LRRTM3: variants seen among roughly 807,000 people sequenced by gnomAD.
LRRTM3 encodes leucine-rich repeat transmembrane neuronal protein 3.
In LRRTM3, 24 loss-of-function variants were observed where a neutral mutation model predicts 44.7. The observed-to-expected ratio is 0.54, with a 90% CI of 0.39 to 0.76. LRRTM3 has a LOEUF of 0.76. LRRTM3 is among the 30% of genes least tolerant of loss of function. LRRTM3 has a pLI of 0.00. For synonymous variants in LRRTM3, 277 were observed against 278.7 expected, an observed-to-expected ratio of 0.99 and a Z score of 0.06; for missense variants, 587 against 702.2, an observed-to-expected ratio of 0.84 and a Z score of 1.85.
chr10:66,993,655 T>C (rs973109242), intron 2 of LRRTM3, among the ~76,000 whole-genome samples: 3 of 151,362 alleles, frequency 2.0e-5, no homozygotes, highest in Admixed American at 6.6e-5. Context: ...AAATGTTTAT[T>C]GAGTACCTAC....
At chr10:66,938,024 C>A (rs1392485734) in intron 2 of LRRTM3, among the ~76,000 whole-genome samples, 1 of 151,962 alleles carries the variant, frequency 6.6e-6, no homozygotes, top group East Asian at 1.9e-4. Flanking sequence ...CTGATACAGT[C>A]TTTTATGCAT....
chr10:67,000,773 C>CTATG (rs546720581), intron 2 of LRRTM3, among the ~76,000 whole-genome samples: 8 of 152,146 alleles, frequency 5.3e-5, no homozygotes, highest in African/African-American at 1.9e-4. Flanking sequence ...CAATAAAATT[C>CTATG]TATGGGGAGC....
chr10:67,080,691 C>G (rs892209821), intron 2 of LRRTM3, among the ~76,000 whole-genome samples: 1 of 151,930 alleles, frequency 6.6e-6, no homozygotes, highest in Non-Finnish European at 1.5e-5. Flanking sequence ...GGGCGGATCA[C>G]GAGGTCAGGA....
intron 2 of LRRTM3, among the ~76,000 whole-genome samples, chr10:67,009,063 TTC>T (rs1368808768): frequency 6.6e-6 from 1 of 152,182 alleles, no homozygotes; most frequent in Non-Finnish European, 1.5e-5. Context: ...AACCTCATTT[TTC>T]TCTCTTCCAT....
chr10:67,072,026 C>A (rs1392081613), intron 2 of LRRTM3, among the ~76,000 whole-genome samples: 6 of 152,212 alleles, frequency 3.9e-5, no homozygotes, highest in African/African-American at 1.4e-4. Context: ...GATCTCAGCG[C>A]ACTGCAATCT....
chr10:67,002,651 C>T (rs1431778362), intron 2 of LRRTM3, among the ~76,000 whole-genome samples: 2 of 152,020 alleles, frequency 1.3e-5, no homozygotes, highest in African/African-American at 4.8e-5. Context: ...GGTACTGGGC[C>T]ATGTATTTCA....
At chr10:67,068,955 G>A (rs924289427) in intron 2 of LRRTM3, among the ~76,000 whole-genome samples, 4 of 152,176 alleles carry the variant, frequency 2.6e-5, no homozygotes, top group Admixed American at 6.5e-5. Context: ...AGCTACTCAG[G>A]AGGCTGAGGC....
At chr10:66,961,322 C>T (rs188056704) in intron 2 of LRRTM3, among the ~76,000 whole-genome samples, 2 of 152,118 alleles carry the variant, frequency 1.3e-5, no homozygotes, top group Non-Finnish European at 2.9e-5. Context: ...CCCCTTAAGG[C>T]CATCAATAAA....
chr10:67,052,643 C>T (rs983534586), intron 2 of LRRTM3: 3 of 152,040 alleles, frequency 2.0e-5, no homozygotes, highest in Admixed American at 2.0e-4. Context: ...ATGCTTAGGG[C>T]ATCTCTATTA....
At chr10:66,967,754 G>T (rs980011357) in intron 2 of LRRTM3, among the ~76,000 whole-genome samples, 1 of 151,978 alleles carries the variant, frequency 6.6e-6, no homozygotes, top group South Asian at 2.1e-4. Context: ...GTGCCAGTGA[G>T]AAAAATAATC....
intron 2 of LRRTM3, among the ~76,000 whole-genome samples, chr10:67,084,796 C>T (rs1256214240): frequency 4.6e-5 from 7 of 152,012 alleles, no homozygotes; most frequent in Middle Eastern, 3.4e-3. Flanking sequence ...GCCTAGACTA[C>T]GTTTATAAAT....
chr10:66,941,889 G>C (rs117631543), intron 2 of LRRTM3, among the ~76,000 whole-genome samples: 2 of 152,320 alleles, frequency 1.3e-5, no homozygotes, highest in East Asian at 3.9e-4. Flanking sequence ...CTTTAAGATA[G>C]ATGGGCCGGC....
chr10:67,064,277 G>C (rs1391918057), intron 2 of LRRTM3, among the ~76,000 whole-genome samples: 1 of 152,070 alleles, frequency 6.6e-6, no homozygotes, highest in East Asian at 1.9e-4. Context: ...CTGTGTGTCT[G>C]AAGCTACACT....
intron 2 of LRRTM3, among the ~76,000 whole-genome samples, chr10:66,964,179 G>A (rs1371829660): frequency 2.0e-5 from 3 of 151,888 alleles, no homozygotes; most frequent in South Asian, 2.1e-4. Flanking sequence ...CAGTAACATC[G>A]TAGGAAAAAC....
At chr10:67,095,911 C>A (rs1364977729) in intron 2 of LRRTM3, among the ~76,000 whole-genome samples, 1 of 151,788 alleles carries the variant, frequency 6.6e-6, no homozygotes, top group South Asian at 2.1e-4. Context: ...TCATCTGTGA[C>A]AACAAGATTC....
In LRRTM3 at chr10:67,097,994, G is replaced by A; in HGVS notation, c.*198G>A. On this transcript the variant is annotated 3_prime_UTR_variant, in exon 3 of 3. Transcript: ENST00000361320. Reference sequence around the variant, plus strand: ...AAGTCTACACTTTGTAATTAGCTAAGTTGTGCAGTATTTTTTGACTTAAAC... The same window carrying A: ...AAGTCTACACTTTGTAATTAGCTAAATTGTGCAGTATTTTTTGACTTAAAC... 1.7e-6 allele frequency: 1 copy of A among 579,072 alleles called. No homozygotes were observed. Among genetic ancestry groups the A allele is most frequent in the Non-Finnish European group, 3.1e-6 (1 of 326,436 alleles). The allele number at this position is 579,072 out of a possible 1,614,324, so 35.9% of individuals were successfully genotyped here. A position where few individuals can be genotyped will look rare whatever the true frequency, so the allele number is the denominator to read the frequency against.
intron 2 of LRRTM3, among the ~76,000 whole-genome samples, chr10:67,053,362 T>C (rs536933865): frequency 2.0e-5 from 3 of 152,126 alleles, no homozygotes; most frequent in Non-Finnish European, 2.9e-5. Flanking sequence ...ATAGAAGAAG[T>C]TGGAATTTTT....
Position 67,074,334 on chromosome 10 carries a change from C to CT in LRRTM3, c.1537-23250dup, listed in dbSNP as rs1258510832. 6.8e-5 allele frequency among the ~76,000 whole-genome samples: 9 copies of CT among 131,954 alleles called. No individual in the cohort carries two copies. The Admixed American group carries it at 7.0e-4, about 10-fold the overall frequency. 86.6% of individuals were successfully genotyped at this position (131,954 alleles called of 152,430 possible). On this transcript the variant is annotated intron_variant, in intron 2 of 2. Coordinates refer to ENST00000361320, the MANE Select transcript of LRRTM3 (RefSeq NM_178011.5). ...CATGAGCCACCGTGCCCAGCTGCCA[C>CT]TTTAACTCTTTTTTTTTTTTTTTTT...
chr10:67,037,963 C>T (rs144785401), intron 2 of LRRTM3, among the ~76,000 whole-genome samples: 196 of 152,094 alleles, frequency 1.3e-3, no homozygotes, highest in African/African-American at 4.5e-3. Flanking sequence ...AATAATTGTT[C>T]ATTAAGGGGA....
Sources: gnomAD v4.1 joint callset for allele counts (sites outside exome capture counted in the v4.1 genomes callset) on GRCh38, gnomAD v4.1.1 for gene constraint, MANE v1.5 for transcripts, NCBI Gene and HGNC (gene_info 2026-07-23, HGNC 2026-07-21) for gene names.